TOP6BL: variants seen among roughly 807,000 people sequenced by gnomAD.
The protein encoded by TOP6BL is type 2 DNA topoisomerase 6 subunit B-like.
At chr11:66,824,136 A>G in the TOP6BL span, among the ~76,000 whole-genome samples, 1 of 152,168 alleles carries the variant, frequency 6.6e-6, no homozygotes, top group Non-Finnish European at 1.5e-5. Flanking sequence ...CCCAAAATTC[A>G]TATGTTGAAA....
chr11:66,822,449 G>C, the TOP6BL span: 1 of 653,588 alleles, frequency 1.5e-6, no homozygotes, highest in South Asian at 1.9e-5. Context: ...TTTTGTTGAT[G>C]GATAGGAAGA....
chr11:66,820,885 G>A, the TOP6BL span, among the ~76,000 whole-genome samples: 1 of 152,116 alleles, frequency 6.6e-6, no homozygotes, highest in South Asian at 2.1e-4. Flanking sequence ...TTATGAGTGG[G>A]AATTAGGTAG....
the TOP6BL span, among the ~76,000 whole-genome samples, chr11:66,810,472 C>T: frequency 6.6e-6 from 1 of 152,152 alleles, no homozygotes; most frequent in Admixed American, 6.6e-5. Context: ...AAGGATGTTC[C>T]TGGGAGACAG....
the TOP6BL span, among the ~76,000 whole-genome samples, chr11:66,782,980 G>A: frequency 0.065 from 9,832 of 152,136 alleles, 393 homozygotes; most frequent in East Asian, 0.11. Flanking sequence ...TTTGTTTAGT[G>A]GTTATTTGAG....
chr11:66,797,430 C>T, the TOP6BL span, among the ~76,000 whole-genome samples: 1 of 152,062 alleles, frequency 6.6e-6, no homozygotes, highest in Admixed American at 6.6e-5. Flanking sequence ...CTCCTCTGTG[C>T]TTTGTTTTTT....
chr11:66,833,205 T>C, the TOP6BL span, among the ~76,000 whole-genome samples: 1 of 151,884 alleles, frequency 6.6e-6, no homozygotes, highest in Non-Finnish European at 1.5e-5. Context: ...CCTACCACCA[T>C]GCCCAACTAA....
chr11:66,823,152 G>A, the TOP6BL span, among the ~76,000 whole-genome samples: 1 of 151,916 alleles, frequency 6.6e-6, no homozygotes, highest in Admixed American at 6.6e-5. Context: ...AAATTAGCCA[G>A]TCGTGGTGGC....
chr11:66,745,688 C>G, the TOP6BL span, among the ~76,000 whole-genome samples: 12 of 152,236 alleles, frequency 7.9e-5, no homozygotes, highest in Non-Finnish European at 4.4e-5. Context: ...CGGCGGGATT[C>G]CATTTTACAA....
At chr11:66,752,763 C>T in the TOP6BL span, among the ~76,000 whole-genome samples, 1 of 152,124 alleles carries the variant, frequency 6.6e-6, no homozygotes, top group African/African-American at 2.4e-5. Flanking sequence ...TCTCTGTAAG[C>T]TTTTAGAATC....
At chr11:66,797,114 C>T in the TOP6BL span, among the ~76,000 whole-genome samples, 1 of 151,908 alleles carries the variant, frequency 6.6e-6, no homozygotes, top group South Asian at 2.1e-4. Flanking sequence ...ATTCTCCTGC[C>T]TCCGCCTTCC....
the TOP6BL span, among the ~76,000 whole-genome samples, chr11:66,813,060 A>G: frequency 6.6e-6 from 1 of 152,200 alleles, no homozygotes; most frequent in Non-Finnish European, 1.5e-5. Flanking sequence ...TTTGGAGACA[A>G]TCCGAGGAAG....
the TOP6BL span, chr11:66,761,942 G>A: frequency 6.6e-7 from 1 of 1,521,140 alleles, no homozygotes; most frequent in Non-Finnish European, 9.1e-7. Context: ...TCAATTCAGG[G>A]TCTTCAACCT....
At chr11:66,795,833 T>C in the TOP6BL span, 2 of 152,648 alleles carry the variant, frequency 1.3e-5, no homozygotes, top group East Asian at 1.9e-4. Flanking sequence ...GATTAATGGA[T>C]TGATGTCAAA....
chr11:66,768,411 G>A, the TOP6BL span, among the ~76,000 whole-genome samples: 1 of 152,074 alleles, frequency 6.6e-6, no homozygotes, highest in East Asian at 1.9e-4. Flanking sequence ...TTCTTGAGGA[G>A]CAGTCAGACA....
the TOP6BL span, chr11:66,828,928 TC>T: frequency 6.6e-6 from 1 of 151,298 alleles, no homozygotes; most frequent in South Asian, 2.1e-4. Context: ...ATTCTAGATC[TC>T]CAGCATCCAA....
At chr11:66,802,445 G>C in the TOP6BL span, among the ~76,000 whole-genome samples, 1 of 152,016 alleles carries the variant, frequency 6.6e-6, no homozygotes, top group Non-Finnish European at 1.5e-5. Flanking sequence ...GAGCCACTGC[G>C]CCCAGCCCAT....
At chr11:66,748,650 A>AG in the TOP6BL span, 1 of 738,842 alleles carries the variant, frequency 1.4e-6, no homozygotes, top group Non-Finnish European at 2.0e-6. Flanking sequence ...TGAAATGATT[A>AG]TGTAATAAGT....
chr11:66,759,552 T>G, the TOP6BL span, among the ~76,000 whole-genome samples: 3 of 152,196 alleles, frequency 2.0e-5, no homozygotes, highest in African/African-American at 4.8e-5. Flanking sequence ...TTGGTACGGT[T>G]TAGGAGTTTT....
the TOP6BL span, among the ~76,000 whole-genome samples, chr11:66,763,043 A>G: frequency 6.6e-6 from 1 of 152,134 alleles, no homozygotes. Flanking sequence ...CCATCTCTAC[A>G]AATAAAGAAA....
Sources: allele counts gnomAD v4.1 joint callset (sites outside exome capture counted in the v4.1 genomes callset), GRCh38; gene constraint gnomAD v4.1.1; transcripts MANE v1.5; gene names NCBI Gene and HGNC (gene_info 2026-07-23, HGNC 2026-07-21).